The following CYTH4 variants were observed in gnomAD, a reference collection of about 807,000 sequenced individuals.
The protein encoded by CYTH4 is cytohesin 4, also known as cytohesin-4.
CYTH4 carries 22 observed loss-of-function variants against 57.5 expected under a neutral mutation model. The observed-to-expected ratio is 0.38, with a 90% CI of 0.27 to 0.55. The LOEUF (loss-of-function observed/expected upper bound fraction) is 0.55. Ranked by LOEUF, CYTH4 falls within the 20% of genes least tolerant of loss-of-function variation. The pLI, the probability that CYTH4 is intolerant of heterozygous loss-of-function variation, is 0.74. For synonymous variants in CYTH4, 186 were observed against 206.5 expected, an observed-to-expected ratio of 0.90 and a Z score of 0.85; for missense variants, 420 against 535.6, an observed-to-expected ratio of 0.78 and a Z score of 2.13.
At chr22:37,288,274 TG>T (rs1359748235) in intron 1 of CYTH4, among the ~76,000 whole-genome samples, 1 of 152,104 alleles carries the variant, frequency 6.6e-6, no homozygotes, top group Non-Finnish European at 1.5e-5. Flanking sequence ...TGGCTGGGCA[TG>T]GTGGCTCATG....
At chr22:37,301,088 AC>A in intron 7 of CYTH4, 69 bp downstream of exon 7, 1 of 1,394,846 alleles carries the variant, frequency 7.2e-7, no homozygotes. Context: ...GATTTCACAG[AC>A]CCCCTCAGGT....
chr22:37,296,054 G>T lies in CYTH4; in HGVS notation c.223G>T (p.Asp75Tyr). 1 of 1,612,932 alleles carries T rather than the reference G, an allele frequency of 6.2e-7. No individual in the cohort carries two copies. Among genetic ancestry groups the T allele is most frequent in the Non-Finnish European group, 8.5e-7 (1 of 1,179,426 alleles). Residue 75 changes from aspartate to tyrosine, a missense_variant, in exon 4 of 13, where the codon GAC becomes TAC. By Grantham distance (160) the Asp-to-Tyr change is radical (BLOSUM62 -3). Coordinates refer to ENST00000248901, the MANE Select transcript of CYTH4 (RefSeq NM_013385.5). Reference sequence around the variant, plus strand: ...TATTGGGCGCAAGAAGTTCAACATGGACCCCGCCAAGGTAGGTGGCTGTGG... The same window carrying T: ...TATTGGGCGCAAGAAGTTCAACATGTACCCCGCCAAGGTAGGTGGCTGTGG... ...LCIGRKKFNM[D>Y]PAKGIQYFIE... is the part of the protein sequence containing the mutation.
At position 37,303,255 on chromosome 22, in the gene CYTH4, C is replaced by A; in HGVS notation, c.549C>A (p.Asp183Glu). The A allele has an allele frequency of 1.2e-6, 2 of 1,614,128 alleles. No individual in the cohort carries two copies. Among genetic ancestry groups the A allele is most frequent in the Non-Finnish European group, 1.7e-6 (2 of 1,179,994 alleles). The stretch of plus-strand genomic sequence containing the variant: ...CTGTGACCGCTGTCCCCTCCGCAGA[C>A]ACCTGCTACGTGTTGTCCTTCTCCA... ...LCNPGVFQST[D>E]TCYVLSFSII... The change falls in exon 8 of 13, where the codon GAC becomes GAA. Residue 183 changes from aspartate to glutamate, a missense_variant and splice_region_variant. Physicochemically the swap from Asp to Glu is conservative, Grantham distance 45. Coordinates refer to ENST00000248901, the MANE Select transcript of CYTH4 (RefSeq NM_013385.5).
intron 1 of CYTH4, among the ~76,000 whole-genome samples, chr22:37,285,152 G>A (rs1471978494): frequency 6.6e-6 from 1 of 152,232 alleles, no homozygotes; most frequent in Non-Finnish European, 1.5e-5. Context: ...TGGAAGCAGG[G>A]CTGCAAGCTC....
intron 1 of CYTH4, chr22:37,292,407 A>C (rs1307470199): frequency 1.8e-5 from 10 of 556,208 alleles, no homozygotes; most frequent in African/African-American, 3.8e-5. Flanking sequence ...GGGGGTGTCT[A>C]TCCAGGGGGG....
intron 7 of CYTH4, among the ~76,000 whole-genome samples, chr22:37,302,516 C>T (rs929670066): frequency 1.3e-5 from 2 of 152,196 alleles, no homozygotes; most frequent in African/African-American, 4.8e-5. Flanking sequence ...GGTGCCACTG[C>T]TATCAGAGAT....
chr22:37,305,074 C>T (rs560903222), intron 8 of CYTH4, among the ~76,000 whole-genome samples: 1 of 152,188 alleles, frequency 6.6e-6, no homozygotes, highest in South Asian at 2.1e-4. Context: ...ATTTGGGGTC[C>T]TCGTGGTGCT....
chr22:37,286,106 T>C (rs1928548353), intron 1 of CYTH4, among the ~76,000 whole-genome samples: 1 of 100,606 alleles, frequency 9.9e-6, no homozygotes, highest in African/African-American at 3.3e-5. Flanking sequence ...TTGCAGGGGT[T>C]GGGTGGGGGC....
rs922698104 is a variant in CYTH4, at chr22:37,296,142, C to G, written c.234+77C>G. The stretch of plus-strand genomic sequence containing the variant: ...CACCTGCCTGGTGTCCTCTCGCTCC[C>G]CTCGGCTGACACGACCCCTTTCCAG... On this transcript the variant is annotated intron_variant, in intron 4 of 12. Coordinates refer to ENST00000248901, the MANE Select transcript of CYTH4 (RefSeq NM_013385.5). 3 of 1,420,976 alleles carry G rather than the reference C, an allele frequency of 2.1e-6. No homozygotes were observed. In the African/African-American group the frequency reaches 4.3e-5, roughly 20 times the overall value. The allele number at this position is 1,420,976 out of a possible 1,614,324, so 88.0% of individuals were successfully genotyped here.
At position 37,295,875 on chromosome 22, in the gene CYTH4, C is replaced by T; in HGVS notation, c.168-124C>T. On this transcript the variant is annotated intron_variant, in intron 3 of 12. Transcript: ENST00000248901. The surrounding 1 kb of genome is among the most constrained non-coding windows in gnomAD (Gnocchi z 4.1). ...CGCCCAGGTGGTTCCCATGCAGGAC[C>T]CGGAGGCCACACTTGGAGGGCCCTA... 1.0e-6 allele frequency: 1 copy of T among 990,732 alleles called. No individual in the cohort carries two copies. The highest frequency in any genetic ancestry group is 1.5e-6 in the Non-Finnish European group (1 of 645,382). The allele number at this position is 990,732 out of a possible 1,614,324, so 61.4% of individuals were successfully genotyped here.
Position 37,309,333 on chromosome 22 carries a change from C to T in CYTH4, c.808+10C>T, listed in dbSNP as rs1374688914. The T allele has an allele frequency of 9.9e-6, 16 of 1,611,824 alleles. No individual in the cohort carries two copies. The highest frequency in any genetic ancestry group is 4.5e-5 in the East Asian group (2 of 44,894). On this transcript the variant is annotated intron_variant, in intron 9 of 12. Coordinates refer to ENST00000248901, the MANE Select transcript of CYTH4 (RefSeq NM_013385.5). ...TGGCTGCTCAAGCTAGGTGAGAGAC[C>T]GACAGACACACGTCGTCGCACACAC...
At chr22:37,310,851 G>T in intron 9 of CYTH4, 137 bp from the exon 10 acceptor site, 1 of 768,670 alleles carries the variant, frequency 1.3e-6, no homozygotes. Context: ...AGATGTTGGG[G>T]GGAGGTGTGG....
In CYTH4 at chr22:37,311,955, G is replaced by T; in HGVS notation, c.958-65G>T. The stretch of plus-strand genomic sequence containing the variant: ...GGGACACTAGCGTCTGGGCTTCTCT[G>T]AGCCTCCTGGAGGGCCCACCCAGCC... On this transcript the variant is annotated intron_variant, in intron 11 of 12. Transcript: ENST00000248901. The surrounding 1 kb of genome is among the most constrained non-coding windows in gnomAD (Gnocchi z 4.4). The T allele has an allele frequency of 6.4e-7, 1 of 1,574,486 alleles. No individual in the cohort carries two copies. Among genetic ancestry groups the T allele is most frequent in the South Asian group, 1.2e-5 (1 of 86,002 alleles).
At chr22:37,301,165 C>T (rs781656547) in intron 7 of CYTH4, 146 bp downstream of exon 7, 11 of 654,066 alleles carry the variant, frequency 1.7e-5, no homozygotes, top group South Asian at 1.5e-4. Flanking sequence ...GCACTGACTT[C>T]ATTGCTGCTG....
rs1929640271 is a variant in CYTH4 at position 37,311,456 on chromosome 22, G to C, written c.886G>C (p.Asp296His). The change falls in exon 11 of 13, where the codon GAC (aspartate) becomes CAC (histidine). Residue 296 changes from aspartate (D) to histidine (H), a missense_variant and splice_region_variant. Coordinates refer to ENST00000248901, the MANE Select transcript of CYTH4 (RefSeq NM_013385.5). The surrounding 1 kb of genome is among the most constrained non-coding windows in gnomAD (Gnocchi z 4.4). ...GACCTTCCTTCCCCTTTCCCTGTAGGACAAGGAGCCACGGGGAATTATACC... is the reference window on the plus strand; with the variant it reads ...GACCTTCCTTCCCCTTTCCCTGTAGCACAAGGAGCCACGGGGAATTATACC... ...NCLYYFEFTT[D>H]KEPRGIIPLE... 6.2e-7 allele frequency: 1 copy of C among 1,613,764 alleles called. No individual in the cohort carries two copies. Among genetic ancestry groups the C allele is most frequent in the African/African-American group, 1.3e-5 (1 of 74,896 alleles).
rs1161543139 is a variant in CYTH4 at position 37,282,555 on chromosome 22, C to T, written c.-15C>T. The T allele has an allele frequency of 6.2e-7, 1 of 1,613,850 alleles. No homozygotes were observed. The highest frequency in any genetic ancestry group is 1.1e-5 in the South Asian group (1 of 91,054). Reference sequence around the variant, plus strand: ...CGACAGGAGCACGGGTCATCTTTTCCCCAGAGGCGTCGGAATGGACCTGTG... The same window carrying T: ...CGACAGGAGCACGGGTCATCTTTTCTCCAGAGGCGTCGGAATGGACCTGTG... On this transcript the variant is annotated 5_prime_UTR_variant, in exon 1 of 13. Coordinates refer to ENST00000248901, the MANE Select transcript of CYTH4 (RefSeq NM_013385.5).
At position 37,285,259 on chromosome 22, in the gene CYTH4, C is replaced by T. The variant is rs559291555; in HGVS notation, c.19+2671C>T. Among the ~76,000 whole-genome samples, 5 of 152,138 alleles carry T rather than the reference C, an allele frequency of 3.3e-5. No homozygotes were observed. The South Asian group carries it at 1.0e-3, about 32-fold the overall frequency. ...ACATTCACCAGCCTGGGCGCAAGGG[C>T]AGCACCAGCCTGTGGGCTTGGGGTG... On this transcript the variant is annotated intron_variant, in intron 1 of 12. Coordinates refer to ENST00000248901, the MANE Select transcript of CYTH4 (RefSeq NM_013385.5).
chr22:37,311,600 G>A lies in CYTH4; in HGVS notation c.957+73G>A. The A allele has an allele frequency of 6.8e-7, 1 of 1,476,124 alleles. No individual in the cohort carries two copies. The highest frequency in any genetic ancestry group is 9.4e-7 in the Non-Finnish European group (1 of 1,059,684). 91.4% of individuals were successfully genotyped at this position (1,476,124 alleles called of 1,614,324 possible). A position where few individuals can be genotyped will look rare whatever the true frequency, so the allele number is the denominator to read the frequency against. On this transcript the variant is annotated intron_variant, in intron 11 of 12. Coordinates refer to ENST00000248901, the MANE Select transcript of CYTH4 (RefSeq NM_013385.5). The surrounding 1 kb of genome is among the most constrained non-coding windows in gnomAD (Gnocchi z 4.4). Reference sequence around the variant, plus strand: ...TTCCTAAACAGAACGTGGGGAGAGGGCCTGAGGCTGGGCTCTCCAGGAAGC... The same window carrying A: ...TTCCTAAACAGAACGTGGGGAGAGGACCTGAGGCTGGGCTCTCCAGGAAGC...
At chr22:37,304,201 C>T (rs1929309297) in intron 8 of CYTH4, 2 of 456,482 alleles carry the variant, frequency 4.4e-6, no homozygotes, top group Admixed American at 4.7e-5. Context: ...AGAGGAGAAG[C>T]CGGGAAAGGA....
Sources: allele counts gnomAD v4.1 joint callset (sites outside exome capture counted in the v4.1 genomes callset), GRCh38; gene constraint gnomAD v4.1.1; non-coding constraint Gnocchi (gnomAD v3.1); transcripts MANE v1.5; gene names NCBI Gene and HGNC (gene_info 2026-07-23, HGNC 2026-07-21).